Variants in CCDC120 observed in about 807,000 individuals in gnomAD.
The protein encoded by CCDC120 is coiled-coil domain-containing protein 120.
In CCDC120, 16 loss-of-function variants were observed where a neutral mutation model predicts 37.6. The ratio of observed to expected loss-of-function variants is 0.43; its 90% CI spans 0.29 to 0.65. CCDC120 has a LOEUF of 0.65. Ranked by LOEUF, CCDC120 falls within the 30% of genes least tolerant of loss-of-function variation. The pLI, the probability that CCDC120 is intolerant of heterozygous loss-of-function variation, is 0.18. For missense variants in CCDC120, 650 were observed against 657.4 expected (o/e 0.99, Z 0.12); for synonymous variants, 309 against 275.4 (o/e 1.12, Z -1.21).
intron 10 of CCDC120, 81 bp downstream of exon 10, chrX:49,068,171 A>G: frequency 1.8e-6 from 2 of 1,121,113 alleles, no homozygotes; most frequent in Non-Finnish European, 2.4e-6. Context: ...GTGGCTAGTC[A>G]TGATAGCTAA....
At chrX:49,056,691 A>T (rs933069074), upstream of CCDC120, among the ~76,000 whole-genome samples, 1 of 110,242 alleles carries the variant, frequency 9.1e-6, no homozygotes, top group Non-Finnish European at 1.9e-5. Context: ...GGATAGCAAG[A>T]GTTCAGACAA....
rs1557081604 is a variant in CCDC120, at chrX:49,067,374, C to G, written c.1260C>G (p.Ala420=). ...GSPPAPLAPS[A]SGPPVCKSSE... ...CGCCTGCCCCTCTGGCTCCCTCTGC[C>G]TCTGGCCCCCCAGTCTGCAAGAGCA... is the stretch of plus-strand genomic sequence containing the variant. Residue 420 remains alanine (A), a synonymous_variant, in exon 10 of 11, where the codon GCC becomes GCG. Transcript: ENST00000603986. The G allele has an allele frequency of 1.7e-6, 2 of 1,197,241 alleles. No individual in the cohort carries two copies. Among genetic ancestry groups the G allele is most frequent in the African/African-American group, 3.5e-5 (2 of 56,986 alleles).
intron 2 of CCDC120, 41 bp downstream of exon 2, chrX:49,062,145 T>A: frequency 8.6e-7 from 1 of 1,164,352 alleles, no homozygotes; most frequent in Non-Finnish European, 1.1e-6. Flanking sequence ...TACCCCTTAT[T>A]CCCCGCTGTG....
chrX:49,059,372 G>C, intron 1 of CCDC120: 1 of 752,787 alleles, frequency 1.3e-6, no homozygotes, highest in Non-Finnish European at 1.6e-6. Flanking sequence ...AGAGAAGTAT[G>C]AGTCCCCCCT....
rs781866175 is a variant in CCDC120 at position 49,063,947 on chromosome X, C to T, written c.375C>T (p.Arg125=). The change falls in exon 5 of 11, where the codon CGC becomes CGT. Residue 125 remains arginine (R), a synonymous_variant. Coordinates refer to ENST00000603986, the MANE Select transcript of CCDC120 (RefSeq NM_001163321.4). ...TCCGCCGGCGGCCCCCCACAGCCCGCGCCTACCCTCCACCGCACCCCAACC... is the reference window on the plus strand; with the variant it reads ...TCCGCCGGCGGCCCCCCACAGCCCGTGCCTACCCTCCACCGCACCCCAACC... ...QLVRRRPPTA[R]AYPPPHPNQA... is the part of the protein sequence containing the mutation. 1.9e-5 allele frequency: 23 copies of T among 1,206,352 alleles called. No homozygotes were observed. The highest frequency in any genetic ancestry group is 3.0e-5 in the East Asian group (1 of 33,569).
At chrX:49,068,476 C>A in intron 10 of CCDC120, 68 bp from the exon 11 acceptor site, 1 of 1,048,021 alleles carries the variant, frequency 9.5e-7, no homozygotes. Context: ...TTTTCTGTGT[C>A]TTGTCTGTCT....
chrX:49,067,285 C>T lies in CCDC120; in HGVS notation c.1171C>T (p.Arg391Cys), dbSNP rs1224670834. 5.0e-6 allele frequency: 6 copies of T among 1,209,706 alleles called. No individual in the cohort carries two copies. The highest frequency in any genetic ancestry group is 2.2e-5 in the Admixed American group (1 of 45,902). Reference sequence around the variant, plus strand: ...CGCCTCCCTCTTCGTAGCTCGCACCCGCCGCAGCAACAGTTCTGAGGCCCT... The same window carrying T: ...CGCCTCCCTCTTCGTAGCTCGCACCTGCCGCAGCAACAGTTCTGAGGCCCT... ...DRASLFVART[R>C]RSNSSEALLV... is the part of the protein sequence containing the mutation. The change falls in exon 10 of 11, where the codon CGC becomes TGC. Residue 391 changes from arginine to cysteine, a missense_variant. By Grantham distance (180) the Arg-to-Cys change is radical. Coordinates refer to ENST00000603986, the MANE Select transcript of CCDC120 (RefSeq NM_001163321.4).
rs1178230710 is a variant in CCDC120, at chrX:49,065,735, GTC to G, written c.963-8_963-7del. 1.2e-5 allele frequency: 14 copies of G among 1,175,741 alleles called. No homozygotes were observed. Among genetic ancestry groups the G allele is most frequent in the Non-Finnish European group, 1.6e-5 (14 of 877,536 alleles). ...TACAGTCTCTAACCTAGGCCTGCCTGTCTCTGTCTAGCCCCACACGCTCGCTG... is the reference window on the plus strand; with the variant it reads ...TACAGTCTCTAACCTAGGCCTGCCTGTCTGTCTAGCCCCACACGCTCGCTG... On this transcript the variant is annotated splice_polypyrimidine_tract_variant and intron_variant, in intron 8 of 10. Transcript: ENST00000603986.
At chrX:49,057,880 G>A (rs1380682948), upstream of CCDC120, among the ~76,000 whole-genome samples, 1 of 111,536 alleles carries the variant, frequency 9.0e-6, no homozygotes, top group Non-Finnish European at 1.9e-5. Flanking sequence ...TGGTGGTGGT[G>A]GTGGGCGGGG....
rs782689786 is a variant in CCDC120 at position 49,068,693 on chromosome X, G to A, written c.*35G>A. Reference sequence around the variant, plus strand: ...ATATGTCCCTTGTTGGCCTGGGCACGATTCCAATCTGGGGAGCACACAGCT... The same window carrying A: ...ATATGTCCCTTGTTGGCCTGGGCACAATTCCAATCTGGGGAGCACACAGCT... On this transcript the variant is annotated 3_prime_UTR_variant, in exon 11 of 11. Coordinates refer to ENST00000603986, the MANE Select transcript of CCDC120 (RefSeq NM_001163321.4). 5 of 1,070,225 alleles carry A rather than the reference G, an allele frequency of 4.7e-6. No homozygotes were observed. The highest frequency in any genetic ancestry group is 2.6e-4 in the Middle Eastern group (1 of 3,879). The allele number at this position is 1,070,225 out of a possible 1,213,427, so 88.2% of individuals were successfully genotyped here.
chrX:49,055,524 C>T (rs1378989920), upstream of CCDC120, among the ~76,000 whole-genome samples: 1 of 111,774 alleles, frequency 8.9e-6, no homozygotes, highest in Non-Finnish European at 1.9e-5. Context: ...GTCCACTCCA[C>T]CTCTGTGGGG....
Position 49,062,282 on chromosome X carries a change from A to T in CCDC120, c.111A>T (p.Glu37Asp). 1 of 1,210,792 alleles carries T rather than the reference A, an allele frequency of 8.3e-7. No individual in the cohort carries two copies. The highest frequency in any genetic ancestry group is 1.1e-6 in the Non-Finnish European group (1 of 895,014). The change falls in exon 3 of 11, where the codon GAA becomes GAT. Residue 37 changes from glutamate (E) to aspartate (D), a missense_variant. Glu to Asp is a conservative substitution (Grantham distance 45). This residue lies in a region of CCDC120 where 64 missense variants were observed against 65.2 expected (regional missense o/e 0.98). Transcript: ENST00000603986. The part of the protein sequence containing the change: ...QPRPLDSTKM[E>D]VKGQLISSPT... ...GGCCTCTCGACAGCACCAAGATGGA[A>T]GTCAAAGGTCAGCTGATCAGCTCTC...
At position 49,067,745 on chromosome X, in the gene CCDC120, G is replaced by A. The variant is rs782339242; in HGVS notation, c.1631G>A (p.Arg544His). ...CTCCGCACCAAGGACCCCCACACCC[G>A]TGCCACCCGCACTAAGCCCTGTGGC... ...PLLRTKDPHTRATRTKPCGLP... is the reference protein window; with the variant it reads ...PLLRTKDPHTHATRTKPCGLP... The change falls in exon 10 of 11, where the codon CGT (arginine) becomes CAT (histidine). Residue 544 changes from arginine to histidine, a missense_variant. By Grantham distance (29) the Arg-to-His change is conservative. Coordinates refer to ENST00000603986, the MANE Select transcript of CCDC120 (RefSeq NM_001163321.4). The A allele has an allele frequency of 1.3e-5, 16 of 1,195,225 alleles. No homozygotes were observed. The South Asian group carries it at 1.8e-4, about 13-fold the overall frequency.
Position 49,064,485 on chromosome X carries a change from G to A in CCDC120, c.545G>A (p.Arg182His), listed in dbSNP as rs782004905. Reference protein sequence around the residue: ...DLSTEQRRRRRQVQADALRRL... With the variant: ...DLSTEQRRRRHQVQADALRRL... Reference sequence around the variant, plus strand: ...AGCACCGAGCAGCGCCGGCGCCGGCGCCAGGTCCAGGCAGATGCACTGAGG... The same window carrying A: ...AGCACCGAGCAGCGCCGGCGCCGGCACCAGGTCCAGGCAGATGCACTGAGG... Residue 182 changes from arginine to histidine, a missense_variant, in exon 6 of 11, where the codon CGC becomes CAC. Arg to His is a conservative substitution (Grantham distance 29, BLOSUM62 0). This residue lies in a region of CCDC120 where 576 missense variants were observed against 565.3 expected (regional missense o/e 1.02). Coordinates refer to ENST00000603986, the MANE Select transcript of CCDC120 (RefSeq NM_001163321.4). 9 of 1,184,060 alleles carry A rather than the reference G, an allele frequency of 7.6e-6. No homozygotes were observed. The highest frequency in any genetic ancestry group is 2.8e-4 in the Middle Eastern group (1 of 3,606).
At chrX:49,064,797 G>T in intron 6 of CCDC120, 133 bp downstream of exon 6, 1 of 791,294 alleles carries the variant, frequency 1.3e-6, no homozygotes, top group South Asian at 2.7e-5. Context: ...GAAGAGTTGT[G>T]ACAAACTGGC....
At chrX:49,065,987 C>T in intron 9 of CCDC120, 142 bp downstream of exon 9, 3 of 553,903 alleles carry the variant, frequency 5.4e-6, no homozygotes, top group Non-Finnish European at 8.4e-6. Context: ...CTTTCGGAGG[C>T]CGAGGCGGGC....
At chrX:49,054,274 C>T (rs781999506), upstream of CCDC120, among the ~76,000 whole-genome samples, 12 of 111,393 alleles carry the variant, frequency 1.1e-4, no homozygotes, top group South Asian at 1.1e-3. Context: ...TCTGTCCTGA[C>T]GCTTGACCTG....
At chrX:49,059,841 G>A (rs2064863790) in intron 1 of CCDC120, among the ~76,000 whole-genome samples, 1 of 110,098 alleles carries the variant, frequency 9.1e-6, no homozygotes, top group Non-Finnish European at 1.9e-5. Flanking sequence ...GGGAGACCTG[G>A]GGTTGGTGTG....
chrX:49,061,962 A>G lies in CCDC120; in HGVS notation c.-80A>G. 1 of 1,130,969 alleles carries G rather than the reference A, an allele frequency of 8.8e-7. No homozygotes were observed. The highest frequency in any genetic ancestry group is 1.2e-6 in the Non-Finnish European group (1 of 860,724). 93.2% of individuals were successfully genotyped at this position (1,130,969 alleles called of 1,213,427 possible). On this transcript the variant is annotated 5_prime_UTR_variant, in exon 2 of 11. Transcript: ENST00000603986. Reference sequence around the variant, plus strand: ...CCCATTAATTCTCCTTCCCCAGGCAAGACTCGTGGCTGTGACCCATGGGCC... The same window carrying G: ...CCCATTAATTCTCCTTCCCCAGGCAGGACTCGTGGCTGTGACCCATGGGCC...
Sources: gnomAD v4.1 joint callset for allele counts (sites outside exome capture counted in the v4.1 genomes callset) on GRCh38, gnomAD v4.1.1 for gene constraint, gnomAD v4.1.1 regional missense constraint, MANE v1.5 for transcripts, NCBI Gene and HGNC (gene_info 2026-07-23, HGNC 2026-07-21) for gene names.